NT5DC1: variants seen among roughly 807,000 people sequenced by gnomAD.
NT5DC1 encodes 5'-nucleotidase domain-containing protein 1.
In NT5DC1, 42 loss-of-function variants were observed where a neutral mutation model predicts 59.4. That is an observed-to-expected ratio of 0.71 (90% CI 0.55 to 0.92). NT5DC1 has a LOEUF of 0.92. Ranked by LOEUF, NT5DC1 falls within the 40% of genes least tolerant of loss-of-function variation. The probability of loss-of-function intolerance (pLI) is 0.00; values close to 1 mark genes in which losing one functional copy is unlikely to be tolerated. For synonymous variants in NT5DC1, 172 were observed against 188.1 expected (o/e 0.91, Z 0.70); for missense variants, 501 against 537.1 (o/e 0.93, Z 0.66).
At chr6:116,209,559 G>A (rs1269676821) in intron 6 of NT5DC1, among the ~76,000 whole-genome samples, 2 of 151,994 alleles carry the variant, frequency 1.3e-5, no homozygotes, top group Non-Finnish European at 2.9e-5. Flanking sequence ...TGTGCAGAGT[G>A]GGTATTGGGG....
Position 116,106,340 on chromosome 6 carries a change from G to A in NT5DC1, c.185+5G>A. On this transcript the variant is annotated splice_donor_5th_base_variant and intron_variant, in intron 2 of 11. Transcript: ENST00000319550. ...CCCAGAGGATTGGGATTTCTGGTAAGTTCTTTTTTTTTTTTTTTTTTTAAG... is the reference window on the plus strand; with the variant it reads ...CCCAGAGGATTGGGATTTCTGGTAAATTCTTTTTTTTTTTTTTTTTTTAAG... 2 of 988,786 alleles carry A rather than the reference G, an allele frequency of 2.0e-6. No individual in the cohort carries two copies. The highest frequency in any genetic ancestry group is 3.0e-6 in the Non-Finnish European group (2 of 667,664). The allele number at this position is 988,786 out of a possible 1,614,324, so 61.3% of individuals were successfully genotyped here.
Position 116,126,298 on chromosome 6 carries a change from C to G in NT5DC1, c.529+8353C>G, listed in dbSNP as rs180874401. ...GCTGGGCTCTCCTTTTCCTTGTTTT[C>G]TTATTTAAAAATAAACCCATTGTCT... On this transcript the variant is annotated intron_variant, in intron 6 of 11. Transcript: ENST00000319550. 1.0e-3 allele frequency among the ~76,000 whole-genome samples: 158 copies of G among 152,110 alleles called. 1 individual carries two copies. The highest frequency in any genetic ancestry group is 3.3e-3 in the African/African-American group (136 of 41,494).
intron 6 of NT5DC1, among the ~76,000 whole-genome samples, chr6:116,182,040 G>A (rs564508656): frequency 2.6e-5 from 4 of 151,898 alleles, no homozygotes; most frequent in African/African-American, 9.7e-5. Context: ...TTTCCTCCGC[G>A]TCCCCAAAGT....
chr6:116,224,642 G>A (rs2114544968), intron 8 of NT5DC1, among the ~76,000 whole-genome samples: 1 of 152,332 alleles, frequency 6.6e-6, no homozygotes, highest in Non-Finnish European at 1.5e-5. Flanking sequence ...GGCCCAGTAA[G>A]AGAGTAGTTT....
At chr6:116,129,981 G>C (rs1779421600) in intron 6 of NT5DC1, among the ~76,000 whole-genome samples, 1 of 152,166 alleles carries the variant, frequency 6.6e-6, no homozygotes, top group Non-Finnish European at 1.5e-5. Flanking sequence ...TTTACAGAGA[G>C]TGGTATGATA....
chr6:116,242,999 C>G (rs1241082294), intron 11 of NT5DC1, among the ~76,000 whole-genome samples: 1 of 152,176 alleles, frequency 6.6e-6, no homozygotes, highest in African/African-American at 2.4e-5. Flanking sequence ...CCGCTGGTTC[C>G]TCCTTCCCAA....
rs2228548 is a variant in NT5DC1 at position 116,120,307 on chromosome 6, C to G, written c.529+2362C>G. ...CCCAAACATGAGTCCCTTTCACATG[C>G]ACGTGGTATGAAAAATAGTATATTC... On this transcript the variant is annotated intron_variant, in intron 6 of 11. Coordinates refer to ENST00000319550, the MANE Select transcript of NT5DC1 (RefSeq NM_152729.3). The G allele has an allele frequency of 0.055, 88,077 of 1,614,142 alleles. 2,694 individuals are homozygous for G. The highest frequency in any genetic ancestry group is 0.065 in the Middle Eastern group (397 of 6,062).
intron 6 of NT5DC1, among the ~76,000 whole-genome samples, chr6:116,143,097 G>T (rs1010605087): frequency 1.4e-4 from 21 of 152,204 alleles, no homozygotes; most frequent in African/African-American, 5.1e-4. Flanking sequence ...ATAATATTTA[G>T]AAATAATATT....
chr6:116,162,971 C>G, intron 6 of NT5DC1, among the ~76,000 whole-genome samples: 1 of 151,500 alleles, frequency 6.6e-6, no homozygotes, highest in East Asian at 1.9e-4. Flanking sequence ...ACTAAATATA[C>G]AAAAAATTAG....
chr6:116,165,098 GAAAA>G lies in NT5DC1; in HGVS notation c.529+47170_529+47173del, dbSNP rs71554841. Among the ~76,000 whole-genome samples, 28 of 101,072 alleles carry G rather than the reference GAAAA, an allele frequency of 2.8e-4. 1 individual carries two copies. The highest frequency in any genetic ancestry group is 1.1e-3 in the African/African-American group (27 of 24,358). The allele number at this position is 101,072 out of a possible 152,430, so 66.3% of individuals were successfully genotyped here. ...GGCGACAGAGCGAGACTCCGTCTCAGAAAAAAAAAAAAAAAAAAAATTATTGGCT... is the reference window on the plus strand; with the variant it reads ...GGCGACAGAGCGAGACTCCGTCTCAGAAAAAAAAAAAAAAAATTATTGGCT... On this transcript the variant is annotated intron_variant, in intron 6 of 11. Coordinates refer to ENST00000319550, the MANE Select transcript of NT5DC1 (RefSeq NM_152729.3).
rs560482671 is a variant in NT5DC1 at position 116,150,824 on chromosome 6, G to A, written c.529+32879G>A. Among the ~76,000 whole-genome samples, 8 of 152,272 alleles carry A rather than the reference G, an allele frequency of 5.3e-5. No individual in the cohort carries two copies. The East Asian group carries it at 1.5e-3, about 29-fold the overall frequency. On this transcript the variant is annotated intron_variant, in intron 6 of 11. Coordinates refer to ENST00000319550, the MANE Select transcript of NT5DC1 (RefSeq NM_152729.3). ...AACCTTGGAGTCTTATATATCTAGT[G>A]AATATCAAATGTGAATTTGAGAATG... is the stretch of plus-strand genomic sequence containing the variant.
Position 116,167,611 on chromosome 6 carries a change from G to A in NT5DC1, c.529+49666G>A, listed in dbSNP as rs529487489. ...ATTGCAATATTTTATAAATTGACAG[G>A]CATTTTTTACTTCCTTCTTTTCTTA... On this transcript the variant is annotated intron_variant, in intron 6 of 11. Transcript: ENST00000319550. 1.6e-4 allele frequency among the ~76,000 whole-genome samples: 25 copies of A among 152,166 alleles called. 1 individual carries two copies. The South Asian group carries it at 4.2e-3, about 25-fold the overall frequency.
At chr6:116,193,390 G>A (rs971905103) in intron 6 of NT5DC1, among the ~76,000 whole-genome samples, 1 of 152,066 alleles carries the variant, frequency 6.6e-6, no homozygotes, top group Non-Finnish European at 1.5e-5. Context: ...TGTGGTGGAA[G>A]CAAAGAACAC....
chr6:116,163,135 A>ATATATATAT (rs1554197048), intron 6 of NT5DC1, among the ~76,000 whole-genome samples: 2 of 98,570 alleles, frequency 2.0e-5, no homozygotes, highest in Non-Finnish European at 4.0e-5. Flanking sequence ...TCAAAAAAAA[A>ATATATATAT]AAAAAAATAT....
At chr6:116,176,398 C>T (rs1780735138) in intron 6 of NT5DC1, among the ~76,000 whole-genome samples, 1 of 152,172 alleles carries the variant, frequency 6.6e-6, no homozygotes, top group Admixed American at 6.5e-5. Context: ...TCTGTTCTGG[C>T]TCAGTCTCAG....
intron 6 of NT5DC1, among the ~76,000 whole-genome samples, chr6:116,143,339 T>G (rs1481752665): frequency 6.6e-6 from 1 of 152,142 alleles, no homozygotes; most frequent in Non-Finnish European, 1.5e-5. Flanking sequence ...ACCTCTCAAG[T>G]AGCTGGGATT....
At chr6:116,227,689 T>C (rs1222686992) in intron 8 of NT5DC1, among the ~76,000 whole-genome samples, 1 of 152,228 alleles carries the variant, frequency 6.6e-6, no homozygotes, top group Non-Finnish European at 1.5e-5. Context: ...CATTATGGTT[T>C]TAATTTGTAT....
intron 6 of NT5DC1, among the ~76,000 whole-genome samples, chr6:116,157,001 A>T (rs1342218127): frequency 6.6e-6 from 1 of 151,930 alleles, no homozygotes. Context: ...TTATTTGGAT[A>T]TTTTTTTCTC....
At chr6:116,227,763 T>C (rs1388667526) in intron 8 of NT5DC1, among the ~76,000 whole-genome samples, 4 of 152,368 alleles carry the variant, frequency 2.6e-5, no homozygotes, top group African/African-American at 9.6e-5. Flanking sequence ...GTATATCTTT[T>C]TGAGAAATGT....
Sources: allele counts gnomAD v4.1 joint callset (sites outside exome capture counted in the v4.1 genomes callset), GRCh38; gene constraint gnomAD v4.1.1; transcripts MANE v1.5; gene names NCBI Gene and HGNC (gene_info 2026-07-23, HGNC 2026-07-21).